Variants in DGCR2 observed in about 807,000 individuals in gnomAD.
DGCR2 encodes DiGeorge syndrome critical region gene 2, also known as integral membrane protein DGCR2/IDD.
A neutral mutation model predicts 51.6 loss-of-function variants in DGCR2; 24 were observed. That is an observed-to-expected ratio of 0.47 (90% CI 0.34 to 0.65). The LOEUF (loss-of-function observed/expected upper bound fraction) is 0.65. DGCR2 is among the 30% of genes least tolerant of loss of function. The probability of loss-of-function intolerance (pLI) is 0.01; values close to 1 mark genes in which losing one functional copy is unlikely to be tolerated. For synonymous variants in DGCR2, 340 were observed against 315.4 expected (o/e 1.08, Z -0.82); for missense variants, 765 against 772.1 (o/e 0.99, Z 0.11).
intron 2 of DGCR2, among the ~76,000 whole-genome samples, chr22:19,081,703 C>T (rs1193781404): frequency 6.6e-6 from 1 of 152,164 alleles, no homozygotes; most frequent in Non-Finnish European, 1.5e-5. Context: ...AAATAGAAAT[C>T]CTGGATCACA....
intron 3 of DGCR2, among the ~76,000 whole-genome samples, chr22:19,066,607 A>G (rs1016329237): frequency 6.6e-5 from 10 of 152,190 alleles, no homozygotes; most frequent in African/African-American, 2.4e-4. Flanking sequence ...AGGCAGGCAG[A>G]GGCCAGGCCC....
intron 7 of DGCR2, among the ~76,000 whole-genome samples, chr22:19,044,756 G>C (rs2082470492): frequency 6.6e-6 from 1 of 152,236 alleles, no homozygotes; most frequent in African/African-American, 2.4e-5. Context: ...TCAGCTGCCT[G>C]ACTGTCATCC....
chr22:19,081,192 T>C (rs1169320890), intron 2 of DGCR2, among the ~76,000 whole-genome samples: 1 of 152,244 alleles, frequency 6.6e-6, no homozygotes, highest in Non-Finnish European at 1.5e-5. Context: ...GTAAGATTCA[T>C]AAGCCTAATA....
At chr22:19,041,509 G>GGGCTGACACTTCTATCAGACCCAGCCTCT in intron 8 of DGCR2, 1 of 609,348 alleles carries the variant, frequency 1.6e-6, no homozygotes, top group Non-Finnish European at 2.9e-6. Context: ...CTGTCCCTCT[G>GGGCTGACACTTCTATCAGACCCAGCCTCT]GGCTGACACT....
chr22:19,058,665 A>G (rs143019482), intron 5 of DGCR2, among the ~76,000 whole-genome samples: 196 of 152,342 alleles, frequency 1.3e-3, no homozygotes, highest in African/African-American at 4.5e-3. Context: ...CGCTGAAGCT[A>G]GTTGCCAGCT....
chr22:19,121,274 CT>C (rs2083428661), intron 1 of DGCR2, among the ~76,000 whole-genome samples: 1 of 151,998 alleles, frequency 6.6e-6, no homozygotes, highest in Admixed American at 6.6e-5. Flanking sequence ...TTTATTTGAC[CT>C]AAAAGTTCAT....
chr22:19,055,134 T>C (rs28782249), intron 6 of DGCR2, among the ~76,000 whole-genome samples: 1 of 151,982 alleles, frequency 6.6e-6, no homozygotes, highest in African/African-American at 2.4e-5. Context: ...ACAAAGAGTT[T>C]CAAAAATTCT....
At chr22:19,049,008 G>A (rs2082520829) in intron 6 of DGCR2, among the ~76,000 whole-genome samples, 1 of 152,224 alleles carries the variant, frequency 6.6e-6, no homozygotes, top group Admixed American at 6.5e-5. Context: ...GGCACAGGGA[G>A]TGGCTGTCCA....
intron 1 of DGCR2, among the ~76,000 whole-genome samples, chr22:19,100,366 C>T (rs577948676): frequency 1.3e-5 from 2 of 152,306 alleles, no homozygotes; most frequent in South Asian, 4.1e-4. Flanking sequence ...TGTAGCATGG[C>T]AGAGGCAGGC....
intron 2 of DGCR2, among the ~76,000 whole-genome samples, chr22:19,088,915 C>A (rs988286614): frequency 6.6e-6 from 1 of 152,116 alleles, no homozygotes; most frequent in Admixed American, 6.5e-5. Context: ...CAGGAGAGAA[C>A]CTGTGAGTGC....
intron 6 of DGCR2, among the ~76,000 whole-genome samples, chr22:19,049,780 T>C (rs961815293): frequency 2.7e-5 from 4 of 150,260 alleles, no homozygotes; most frequent in Non-Finnish European, 4.4e-5. Context: ...TGAGCAGAGA[T>C]TGTGCCACTG....
chr22:19,038,742 C>T lies in DGCR2; in HGVS notation c.*123G>A. 1 of 1,362,046 alleles carries T rather than the reference C, an allele frequency of 7.3e-7. No individual in the cohort carries two copies. The highest frequency in any genetic ancestry group is 1.0e-6 in the Non-Finnish European group (1 of 991,972). 84.4% of individuals were successfully genotyped at this position (1,362,046 alleles called of 1,614,324 possible). ...GTCTCTATGTACACACGCGAGCCCG[C>T]CAGTGACGTGCGGCAGTGCGTGGCG... On this transcript the variant is annotated 3_prime_UTR_variant, in exon 10 of 10. Transcript: ENST00000263196.
At chr22:19,084,655 T>A (rs1463913852) in intron 2 of DGCR2, among the ~76,000 whole-genome samples, 32 of 143,656 alleles carry the variant, frequency 2.2e-4, no homozygotes, top group Admixed American at 2.2e-3. Flanking sequence ...AGCCACCCCA[T>A]CCGGGAGGGA....
chr22:19,103,408 A>G (rs768055285), intron 1 of DGCR2, among the ~76,000 whole-genome samples: 4,944 of 147,992 alleles, frequency 0.033, 263 homozygotes, highest in African/African-American at 0.12. Context: ...ACCACAATAA[A>G]AAAAGTTCTT....
intron 2 of DGCR2, among the ~76,000 whole-genome samples, chr22:19,072,718 CA>C (rs1292021398): frequency 3.3e-5 from 5 of 151,854 alleles, no homozygotes; most frequent in East Asian, 1.9e-4. Context: ...AATAAAAATG[CA>C]AAAAATTAGC....
chr22:19,085,116 A>AC (rs902424603), intron 2 of DGCR2, among the ~76,000 whole-genome samples: 4 of 151,854 alleles, frequency 2.6e-5, no homozygotes, highest in Non-Finnish European at 4.4e-5. Context: ...AAAAAAAAAA[A>AC]AAAACAAAGA....
intron 7 of DGCR2, among the ~76,000 whole-genome samples, chr22:19,043,832 C>G (rs1473667988): frequency 6.6e-6 from 1 of 152,208 alleles, no homozygotes; most frequent in Admixed American, 6.5e-5. Flanking sequence ...CAGCTCCTGT[C>G]CTCCTCCCAC....
intron 4 of DGCR2, among the ~76,000 whole-genome samples, chr22:19,064,468 C>T (rs2082725040): frequency 1.3e-5 from 2 of 152,230 alleles, no homozygotes; most frequent in African/African-American, 2.4e-5. Flanking sequence ...GGAACCCCCA[C>T]CTACACTGCA....
At chr22:19,077,097 C>A (rs1004383168) in intron 2 of DGCR2, among the ~76,000 whole-genome samples, 1 of 152,142 alleles carries the variant, frequency 6.6e-6, no homozygotes, top group Non-Finnish European at 1.5e-5. Flanking sequence ...TAAATATTAA[C>A]CCTTACCAGA....
Sources: allele counts gnomAD v4.1 joint callset (sites outside exome capture counted in the v4.1 genomes callset), GRCh38; gene constraint gnomAD v4.1.1; transcripts MANE v1.5; gene names NCBI Gene and HGNC (gene_info 2026-07-23, HGNC 2026-07-21).